The following ESR1 variants were observed in gnomAD, a reference collection of about 807,000 sequenced individuals.
ESR1 encodes estrogen receptor 1.
In ESR1, 12 loss-of-function variants were observed where a neutral mutation model predicts 52.7. That is an observed-to-expected ratio of 0.23 (90% CI 0.15 to 0.37). ESR1 has a LOEUF of 0.37. Ranked by LOEUF, ESR1 falls within the 10% of genes least tolerant of loss-of-function variation. The probability of loss-of-function intolerance (pLI) is 1.00; values close to 1 mark genes in which losing one functional copy is unlikely to be tolerated. For synonymous variants in ESR1, 305 were observed against 316.8 expected (o/e 0.96, Z 0.39); for missense variants, 584 against 779.7 (o/e 0.75, Z 2.99).
intron 2 of ESR1, among the ~76,000 whole-genome samples, chr6:151,849,995 T>TATATATATAAAAAAA (rs1786069371): frequency 7.1e-5 from 9 of 126,250 alleles, no homozygotes; most frequent in African/African-American, 2.7e-4. Flanking sequence ...TATATATATA[T>TATATATATAAAAAAA]ATATATATAT....
downstream of ESR1, among the ~76,000 whole-genome samples, chr6:152,104,344 C>A (rs1163902322): frequency 6.6e-6 from 1 of 152,126 alleles, no homozygotes; most frequent in African/African-American, 2.4e-5. Flanking sequence ...ACAAGAATAG[C>A]ACTTACCCTA....
At chr6:151,906,805 CCTGT>C (rs1467744806) in intron 3 of ESR1, among the ~76,000 whole-genome samples, 3 of 149,940 alleles carry the variant, frequency 2.0e-5, no homozygotes, top group African/African-American at 7.4e-5. Flanking sequence ...TGCTTTAAGA[CCTGT>C]CTAATAAATC....
In ESR1 at chr6:152,069,880, G is replaced by C. The variant is rs1200896709; in HGVS notation, c.1369+8756G>C. 2.2e-5 allele frequency among the ~76,000 whole-genome samples: 3 copies of C among 137,560 alleles called. 1 individual carries two copies. The highest frequency in any genetic ancestry group is 4.5e-5 in the Non-Finnish European group (3 of 66,780). 90.2% of individuals were successfully genotyped at this position (137,560 alleles called of 152,430 possible). A position where few individuals can be genotyped will look rare whatever the true frequency, so the allele number is the denominator to read the frequency against. On this transcript the variant is annotated intron_variant, in intron 6 of 7. Coordinates refer to ENST00000206249, the MANE Select transcript of ESR1 (RefSeq NM_000125.4). ...TGGGGACCTCTGGGCTGTAGGGTAGGCTGGTTAATGCTTAGCTGTGTTTCT... is the reference window on the plus strand; with the variant it reads ...TGGGGACCTCTGGGCTGTAGGGTAGCCTGGTTAATGCTTAGCTGTGTTTCT...
At chr6:151,694,950 G>C (rs374071709) in intron 1 of ESR1, among the ~76,000 whole-genome samples, 1 of 146,516 alleles carries the variant, frequency 6.8e-6, no homozygotes, top group East Asian at 2.1e-4. Context: ...AAAACAGAAA[G>C]TGTGCCAGGG....
intron 1 of ESR1, among the ~76,000 whole-genome samples, chr6:151,675,829 A>G (rs898668663): frequency 3.9e-5 from 6 of 152,212 alleles, no homozygotes; most frequent in Non-Finnish European, 7.3e-5. Flanking sequence ...ATTCGAATTG[A>G]TGCCGGAAAC....
At chr6:151,971,643 G>C (rs1161084878) in intron 4 of ESR1, among the ~76,000 whole-genome samples, 1 of 152,024 alleles carries the variant, frequency 6.6e-6, no homozygotes, top group African/African-American at 2.4e-5. Flanking sequence ...AAACCTCTGG[G>C]ATACAGCAAA....
intron 1 of ESR1, chr6:151,809,144 T>C: frequency 2.3e-6 from 1 of 431,954 alleles, no homozygotes; most frequent in Non-Finnish European, 5.0e-6. Flanking sequence ...GTGACAAGCC[T>C]GTCCCACCCG....
At chr6:151,870,987 G>T (rs1314396102) in intron 2 of ESR1, among the ~76,000 whole-genome samples, 2 of 151,904 alleles carry the variant, frequency 1.3e-5, no homozygotes, top group South Asian at 4.1e-4. Flanking sequence ...GAGTAACTGG[G>T]ATGACAGGAC....
At chr6:151,686,454 G>A (rs900580393), upstream of ESR1, among the ~76,000 whole-genome samples, 3 of 152,124 alleles carry the variant, frequency 2.0e-5, no homozygotes, top group Admixed American at 2.0e-4. Flanking sequence ...GGGAGGCCGA[G>A]GCGGCCGGAT....
intron 2 of ESR1, among the ~76,000 whole-genome samples, chr6:151,728,506 A>C (rs1358040258): frequency 6.6e-6 from 1 of 152,360 alleles, no homozygotes; most frequent in Middle Eastern, 3.4e-3. Flanking sequence ...ATGATATCTG[A>C]AATATTCAAT....
rs1372128737 is a variant in ESR1, at chr6:152,061,525, A to G, written c.1369+401A>G. Among the ~76,000 whole-genome samples the G allele has an allele frequency of 6.6e-6, 1 of 152,254 alleles. No individual in the cohort carries two copies. Among genetic ancestry groups the G allele is most frequent in the Non-Finnish European group, 1.5e-5 (1 of 68,038 alleles). ...CTCCAGATAGTAAAGAAAGAGGGTT[A>G]TTTGAGACAGACCATGTTTCTGGTC... On this transcript the variant is annotated intron_variant, in intron 6 of 7. Coordinates refer to ENST00000206249, the MANE Select transcript of ESR1 (RefSeq NM_000125.4). This position sits in a 1 kb window ranked among gnomAD's most constrained non-coding sequence, Gnocchi z 4.3.
intron 5 of ESR1, among the ~76,000 whole-genome samples, chr6:152,012,780 T>C (rs2042883929): frequency 6.6e-6 from 1 of 152,196 alleles, no homozygotes; most frequent in Non-Finnish European, 1.5e-5. Context: ...AGAACCATTT[T>C]GTTGTTTCTT....
chr6:152,015,528 G>T (rs2043104358), intron 5 of ESR1, among the ~76,000 whole-genome samples: 1 of 152,054 alleles, frequency 6.6e-6, no homozygotes, highest in Non-Finnish European at 1.5e-5. Context: ...TGTTCGTCTT[G>T]TGTGATCTCC....
intron 2 of ESR1, among the ~76,000 whole-genome samples, chr6:151,757,553 T>A (rs1018134013): frequency 6.6e-6 from 1 of 152,206 alleles, no homozygotes; most frequent in Non-Finnish European, 1.5e-5. Context: ...CCTTGGATCC[T>A]GACCTCAGAA....
At chr6:151,928,633 C>T (rs1159149639) in intron 3 of ESR1, among the ~76,000 whole-genome samples, 2 of 151,464 alleles carry the variant, frequency 1.3e-5, no homozygotes, top group African/African-American at 4.9e-5. Flanking sequence ...CTCTAGTTTC[C>T]TTAGGTGGTG....
At chr6:151,765,835 AT>A (rs1437919013) in intron 2 of ESR1, among the ~76,000 whole-genome samples, 1 of 152,224 alleles carries the variant, frequency 6.6e-6, no homozygotes, top group Non-Finnish European at 1.5e-5. Flanking sequence ...GATATTACTC[AT>A]TCCTCAGTTC....
intron 2 of ESR1, among the ~76,000 whole-genome samples, chr6:151,850,200 C>T (rs541876257): frequency 1.3e-5 from 1 of 74,404 alleles, no homozygotes; most frequent in Non-Finnish European, 3.2e-5. Context: ...AGAATGTGAC[C>T]TTATTTGGAA....
chr6:151,947,572 ACAGAATATTGT>A (rs1436660620), intron 4 of ESR1, among the ~76,000 whole-genome samples: 1 of 152,178 alleles, frequency 6.6e-6, no homozygotes, highest in Non-Finnish European at 1.5e-5. Context: ...CTTTTAATTA[ACAGAATATTGT>A]CAGAATTTTC....
At chr6:151,991,686 G>A (rs944830672) in intron 4 of ESR1, among the ~76,000 whole-genome samples, 11 of 152,150 alleles carry the variant, frequency 7.2e-5, no homozygotes, top group South Asian at 2.1e-4. Flanking sequence ...AGATGGGAAA[G>A]GACATCGTGG....
Sources: gnomAD v4.1 joint callset for allele counts (sites outside exome capture counted in the v4.1 genomes callset) on GRCh38, gnomAD v4.1.1 for gene constraint, Gnocchi (gnomAD v3.1) non-coding constraint, MANE v1.5 for transcripts, NCBI Gene and HGNC (gene_info 2026-07-23, HGNC 2026-07-21) for gene names.